The following WDFY2 variants were observed in gnomAD, a reference collection of about 807,000 sequenced individuals.
The protein encoded by WDFY2 is WD repeat and FYVE domain containing 2.
WDFY2 carries 36 observed loss-of-function variants against 56.4 expected under a neutral mutation model. That is an observed-to-expected ratio of 0.64 (90% CI 0.49 to 0.84). WDFY2 has a LOEUF of 0.84. WDFY2 is among the 40% of genes least tolerant of loss of function. The pLI, the probability that WDFY2 is intolerant of heterozygous loss-of-function variation, is 0.00. For synonymous variants in WDFY2, 176 were observed against 183.7 expected, an observed-to-expected ratio of 0.96 and a Z score of 0.34; for missense variants, 444 against 512.2, an observed-to-expected ratio of 0.87 and a Z score of 1.29.
chr13:51,696,931 A>G (rs993218876), intron 3 of WDFY2, among the ~76,000 whole-genome samples: 13 of 152,218 alleles, frequency 8.5e-5, no homozygotes, highest in African/African-American at 1.2e-4. Flanking sequence ...TATGACAGAG[A>G]AAGGAAAATA....
intron 1 of WDFY2, among the ~76,000 whole-genome samples, chr13:51,599,057 C>T (rs1954215002): frequency 2.0e-5 from 3 of 151,956 alleles, no homozygotes; most frequent in Admixed American, 6.6e-5. Flanking sequence ...TGCAGGCATG[C>T]GCTACCATGC....
chr13:51,725,583 A>G (rs1593453230), intron 5 of WDFY2, among the ~76,000 whole-genome samples: 1 of 152,010 alleles, frequency 6.6e-6, no homozygotes, highest in Non-Finnish European at 1.5e-5. Flanking sequence ...TATGTCACCA[A>G]TTTGATAGGT....
chr13:51,724,614 G>A (rs1952565984), intron 5 of WDFY2, among the ~76,000 whole-genome samples: 1 of 152,158 alleles, frequency 6.6e-6, no homozygotes, highest in Admixed American at 6.5e-5. Flanking sequence ...TATAGAGATT[G>A]CCTGTGCACC....
chr13:51,592,180 C>T (rs1344984488), intron 1 of WDFY2: 3 of 151,572 alleles, frequency 2.0e-5, no homozygotes, highest in Non-Finnish European at 4.4e-5. Flanking sequence ...AGGAATGTAC[C>T]AAATTGAGCA....
chr13:51,660,895 A>G (rs1955599800), intron 2 of WDFY2, among the ~76,000 whole-genome samples: 1 of 152,240 alleles, frequency 6.6e-6, no homozygotes, highest in Admixed American at 6.5e-5. Flanking sequence ...AAGAAGGACT[A>G]CAGCACGTAG....
At chr13:51,674,415 T>C (rs914476132) in intron 2 of WDFY2, among the ~76,000 whole-genome samples, 3 of 152,160 alleles carry the variant, frequency 2.0e-5, no homozygotes, top group African/African-American at 7.2e-5. Context: ...AGTAAGCACT[T>C]GTTGACCACA....
At chr13:51,627,573 G>A (rs1046727221) in intron 1 of WDFY2, among the ~76,000 whole-genome samples, 2 of 151,884 alleles carry the variant, frequency 1.3e-5, no homozygotes, top group Non-Finnish European at 2.9e-5. Flanking sequence ...TAGTAGAGAT[G>A]TGGTTTCACC....
intron 3 of WDFY2, among the ~76,000 whole-genome samples, chr13:51,687,125 A>G (rs113188854): frequency 0.11 from 16,206 of 150,000 alleles, 1,115 homozygotes; most frequent in Admixed American, 0.2. Flanking sequence ...ATATTTTCAT[A>G]TATTTTAAAA....
At chr13:51,698,645 T>C (rs1010709729) in intron 3 of WDFY2, among the ~76,000 whole-genome samples, 1 of 152,202 alleles carries the variant, frequency 6.6e-6, no homozygotes, top group Non-Finnish European at 1.5e-5. Flanking sequence ...GAGAAGTAAT[T>C]CATTGAAAAT....
intron 1 of WDFY2, among the ~76,000 whole-genome samples, chr13:51,654,933 C>T (rs139344699): frequency 0.01 from 1,563 of 152,162 alleles, 25 homozygotes; most frequent in African/African-American, 0.035. Context: ...GTGAAGAGAG[C>T]TCTATTTAAT....
intron 1 of WDFY2, among the ~76,000 whole-genome samples, chr13:51,606,159 A>T (rs1347371962): frequency 1.3e-5 from 2 of 152,236 alleles, no homozygotes; most frequent in African/African-American, 4.8e-5. Flanking sequence ...TTAAAGGACA[A>T]GTTATATGTA....
chr13:51,701,780 T>C (rs532492875), intron 3 of WDFY2, among the ~76,000 whole-genome samples: 1 of 152,300 alleles, frequency 6.6e-6, no homozygotes, highest in East Asian at 1.9e-4. Flanking sequence ...TTTCAGTATA[T>C]TCAAAATAAT....
At chr13:51,635,114 T>G (rs906570795) in intron 1 of WDFY2, among the ~76,000 whole-genome samples, 11 of 151,938 alleles carry the variant, frequency 7.2e-5, no homozygotes, top group African/African-American at 2.7e-4. Flanking sequence ...AATTTTTTTT[T>G]TGTATTTTTA....
chr13:51,710,796 A>C (rs1180726442), intron 4 of WDFY2, among the ~76,000 whole-genome samples: 2 of 152,206 alleles, frequency 1.3e-5, no homozygotes, highest in Non-Finnish European at 2.9e-5. Context: ...AGAGGACACA[A>C]ACAAATGGAA....
intron 11 of WDFY2, 78 bp downstream of exon 11, chr13:51,758,378 C>A: frequency 9.0e-7 from 1 of 1,108,092 alleles, no homozygotes; most frequent in Non-Finnish European, 1.3e-6. Context: ...ACATGGGAGG[C>A]ACTGTTCTAA....
At chr13:51,672,768 T>C (rs979699929) in intron 2 of WDFY2, among the ~76,000 whole-genome samples, 1 of 152,182 alleles carries the variant, frequency 6.6e-6, no homozygotes, top group South Asian at 2.1e-4. Context: ...CACCTCCTGG[T>C]TTAGGTATCC....
chr13:51,585,186 T>G (rs1456007961), intron 1 of WDFY2, among the ~76,000 whole-genome samples: 3 of 152,112 alleles, frequency 2.0e-5, no homozygotes, highest in Non-Finnish European at 4.4e-5. Flanking sequence ...TGGGGAACGA[T>G]GCCCTGAGCC....
At chr13:51,647,781 A>C (rs1019962908) in intron 1 of WDFY2, among the ~76,000 whole-genome samples, 2 of 151,868 alleles carry the variant, frequency 1.3e-5, no homozygotes, top group Admixed American at 6.6e-5. Context: ...AAAAAAAAAA[A>C]AAAAAACCTT....
chr13:51,589,986 C>G (rs1954014327), intron 1 of WDFY2: 1 of 152,154 alleles, frequency 6.6e-6, no homozygotes, highest in African/African-American at 2.4e-5. Flanking sequence ...CAGAAATAGA[C>G]TGACTTTTTA....
Sources: gnomAD v4.1 joint callset for allele counts (sites outside exome capture counted in the v4.1 genomes callset) on GRCh38, gnomAD v4.1.1 for gene constraint, MANE v1.5 for transcripts, NCBI Gene and HGNC (gene_info 2026-07-23, HGNC 2026-07-21) for gene names.